SGMS1: variants seen among roughly 807,000 people sequenced by gnomAD.
SGMS1 encodes sphingomyelin synthase 1, also known as phosphatidylcholine:ceramide cholinephosphotransferase 1.
A neutral mutation model predicts 46.2 loss-of-function variants in SGMS1; 13 were observed. The observed-to-expected ratio is 0.28, with a 90% CI of 0.18 to 0.45. The LOEUF is 0.45. SGMS1 is among the 20% of genes least tolerant of loss of function. SGMS1 has a pLI of 1.00. For missense variants in SGMS1, 324 were observed against 519.9 expected, an observed-to-expected ratio of 0.62 and a Z score of 3.66; for synonymous variants, 203 against 187.8, an observed-to-expected ratio of 1.08 and a Z score of -0.66.
chr10:50,600,335 T>C (rs1054936646), intron 1 of SGMS1, among the ~76,000 whole-genome samples: 1 of 152,220 alleles, frequency 6.6e-6, no homozygotes, highest in Non-Finnish European at 1.5e-5. Flanking sequence ...TGAGCAAATG[T>C]ATTTACTCCT....
chr10:50,567,936 C>T lies in SGMS1; in HGVS notation c.-589+22217G>A, dbSNP rs533162382. Among the ~76,000 whole-genome samples the T allele has an allele frequency of 1.1e-4, 16 of 152,144 alleles. No homozygotes were observed. In the South Asian group the frequency reaches 3.1e-3, roughly 30 times the overall value. On this transcript the variant is annotated intron_variant, in intron 2 of 10. Transcript: ENST00000361781. ...TTCATCACTGTATTTTTCATTTAAACGTTTTTAGAAAATGACAAAATATTG... is the reference window on the plus strand; with the variant it reads ...TTCATCACTGTATTTTTCATTTAAATGTTTTTAGAAAATGACAAAATATTG...
intron 6 of SGMS1, among the ~76,000 whole-genome samples, chr10:50,395,003 C>T (rs990872773): frequency 6.6e-6 from 1 of 152,094 alleles, no homozygotes; most frequent in Non-Finnish European, 1.5e-5. Flanking sequence ...TTTTACATAA[C>T]AGGAAGAGCT....
At chr10:50,478,382 A>T (rs1241510149) in intron 3 of SGMS1, among the ~76,000 whole-genome samples, 1 of 152,218 alleles carries the variant, frequency 6.6e-6, no homozygotes, top group African/African-American at 2.4e-5. Context: ...AAAGTAACAC[A>T]TGTATTTGTA....
intron 9 of SGMS1, among the ~76,000 whole-genome samples, chr10:50,310,209 A>T (rs1253320134): frequency 6.6e-6 from 1 of 152,136 alleles, no homozygotes; most frequent in African/African-American, 2.4e-5. Flanking sequence ...TCCAGAGAGT[A>T]CCACATGCTC....
chr10:50,309,024 G>C (rs2842086), intron 9 of SGMS1, among the ~76,000 whole-genome samples: 97,711 of 152,110 alleles, frequency 0.64, 32,867 homozygotes, highest in African/African-American at 0.84. Flanking sequence ...AGGCAAGGAG[G>C]CTGCCTTTGT....
intron 6 of SGMS1, among the ~76,000 whole-genome samples, chr10:50,348,926 G>C (rs1014749242): frequency 3.9e-5 from 6 of 152,120 alleles, no homozygotes; most frequent in African/African-American, 1.4e-4. Context: ...ATACTACAAG[G>C]CTACAGTAAC....
At chr10:50,398,415 G>C (rs1848879239) in intron 6 of SGMS1, among the ~76,000 whole-genome samples, 1 of 151,998 alleles carries the variant, frequency 6.6e-6, no homozygotes, top group Non-Finnish European at 1.5e-5. Context: ...GGTTTATAAA[G>C]GCAATAAAAT....
At chr10:50,517,013 G>A (rs1008269174) in intron 3 of SGMS1, among the ~76,000 whole-genome samples, 1 of 152,136 alleles carries the variant, frequency 6.6e-6, no homozygotes, top group African/African-American at 2.4e-5. Flanking sequence ...AGACATCCAA[G>A]TTTCAGCATG....
intron 6 of SGMS1, among the ~76,000 whole-genome samples, chr10:50,416,185 A>G (rs1849166880): frequency 6.6e-6 from 1 of 152,200 alleles, no homozygotes; most frequent in Non-Finnish European, 1.5e-5. Context: ...CCTCTGGATC[A>G]TTTTAAACAG....
At chr10:50,392,959 T>C (rs1407847415) in intron 6 of SGMS1, among the ~76,000 whole-genome samples, 1 of 152,016 alleles carries the variant, frequency 6.6e-6, no homozygotes, top group East Asian at 1.9e-4. Flanking sequence ...CCCAATTTGG[T>C]TAAAAAATAA....
chr10:50,541,422 A>C (rs1473071399), intron 2 of SGMS1, among the ~76,000 whole-genome samples: 2 of 152,204 alleles, frequency 1.3e-5, no homozygotes, highest in African/African-American at 2.4e-5. Flanking sequence ...ACATAATTTC[A>C]TCTTTCATTG....
intron 6 of SGMS1, among the ~76,000 whole-genome samples, chr10:50,393,433 T>A (rs930721833): frequency 1.8e-4 from 27 of 152,054 alleles, no homozygotes; most frequent in African/African-American, 6.5e-4. Flanking sequence ...GAAGCACAAA[T>A]CACTGCCTGT....
chr10:50,543,806 T>C (rs1443262148), intron 2 of SGMS1, among the ~76,000 whole-genome samples: 1 of 152,232 alleles, frequency 6.6e-6, no homozygotes, highest in Non-Finnish European at 1.5e-5. Flanking sequence ...CAAAAGATTT[T>C]TTTTTACTTG....
intron 3 of SGMS1, among the ~76,000 whole-genome samples, chr10:50,484,882 A>C (rs1355788057): frequency 6.6e-6 from 1 of 152,150 alleles, no homozygotes. Flanking sequence ...ACTAGGTATT[A>C]AAAGAACATA....
chr10:50,495,683 T>C (rs1303064255), intron 3 of SGMS1, among the ~76,000 whole-genome samples: 1 of 152,170 alleles, frequency 6.6e-6, no homozygotes, highest in Non-Finnish European at 1.5e-5. Context: ...ATTTTGTTAA[T>C]TTCATATATT....
At chr10:50,348,276 C>T (rs1847947673) in intron 6 of SGMS1, among the ~76,000 whole-genome samples, 1 of 152,140 alleles carries the variant, frequency 6.6e-6, no homozygotes, top group African/African-American at 2.4e-5. Flanking sequence ...CCTCTCTCAC[C>T]ACTCCTATTC....
At chr10:50,542,326 CAT>C (rs530783843) in intron 2 of SGMS1, among the ~76,000 whole-genome samples, 2 of 152,104 alleles carry the variant, frequency 1.3e-5, no homozygotes, top group East Asian at 1.9e-4. Context: ...ATCTTACACA[CAT>C]ATGTGTTTAC....
At chr10:50,466,064 C>T (rs967879048) in intron 4 of SGMS1, among the ~76,000 whole-genome samples, 14 of 152,000 alleles carry the variant, frequency 9.2e-5, no homozygotes, top group African/African-American at 2.9e-4. Context: ...GAGAACTCCC[C>T]GGCAGGAAAT....
At chr10:50,323,494 T>C (rs889786184) in intron 8 of SGMS1, among the ~76,000 whole-genome samples, 1 of 152,230 alleles carries the variant, frequency 6.6e-6, no homozygotes, top group Admixed American at 6.5e-5. Context: ...CTGTGCTTTC[T>C]GTAACTTGTT....
Sources: gnomAD v4.1 joint callset for allele counts (sites outside exome capture counted in the v4.1 genomes callset) on GRCh38, gnomAD v4.1.1 for gene constraint, MANE v1.5 for transcripts, NCBI Gene and HGNC (gene_info 2026-07-23, HGNC 2026-07-21) for gene names.